Variants in SLC4A10 observed in about 807,000 individuals in gnomAD.
The protein encoded by SLC4A10 is solute carrier family 4 member 10.
A neutral mutation model predicts 137.7 loss-of-function variants in SLC4A10; 42 were observed. The observed-to-expected ratio is 0.30, with a 90% confidence interval of 0.24 to 0.39. The LOEUF (loss-of-function observed/expected upper bound fraction) is 0.39, where lower values mean the gene tolerates loss of function less well. Among genes scored for constraint, SLC4A10 ranks in the 10% least tolerant of loss-of-function variants. SLC4A10 has a pLI of 1.00. For synonymous variants in SLC4A10, 474 were observed against 464.1 expected, an observed-to-expected ratio of 1.02 and a Z score of -0.27; for missense variants, 925 against 1,355.0, an observed-to-expected ratio of 0.68 and a Z score of 4.98.
intron 1 of SLC4A10, among the ~76,000 whole-genome samples, chr2:161,626,077 C>G (rs1021516603): frequency 6.6e-6 from 1 of 151,906 alleles, no homozygotes; most frequent in Admixed American, 6.6e-5. Flanking sequence ...TTAAGAATAC[C>G]AGGGAACTCT....
chr2:161,708,752 CA>C, intron 1 of SLC4A10: 1 of 1,531,204 alleles, frequency 6.5e-7, no homozygotes, highest in East Asian at 2.5e-5. Flanking sequence ...ACAGGAAATG[CA>C]GTCTTTAGGG....
At chr2:161,909,578 C>T (rs1685331719) in intron 15 of SLC4A10, among the ~76,000 whole-genome samples, 1 of 152,188 alleles carries the variant, frequency 6.6e-6, no homozygotes, top group South Asian at 2.1e-4. Flanking sequence ...ACTAGATTTC[C>T]TCACTGCACT....
chr2:161,957,281 A>T (rs369032503), intron 20 of SLC4A10, 41 bp downstream of exon 20: 1 of 1,564,358 alleles, frequency 6.4e-7, no homozygotes, highest in Non-Finnish European at 8.7e-7. Flanking sequence ...GAAAGAATAC[A>T]TTTATCATCA....
intron 15 of SLC4A10, among the ~76,000 whole-genome samples, chr2:161,931,854 A>G (rs1401744569): frequency 1.3e-5 from 2 of 152,196 alleles, no homozygotes; most frequent in African/African-American, 2.4e-5. Flanking sequence ...GTTTGTTCCC[A>G]ACCTACCTTT....
intron 1 of SLC4A10, among the ~76,000 whole-genome samples, chr2:161,712,590 A>C (rs1425022378): frequency 6.6e-6 from 1 of 151,860 alleles, no homozygotes; most frequent in Admixed American, 6.6e-5. Flanking sequence ...TATAAATAGA[A>C]TGCTACATAT....
intron 1 of SLC4A10, among the ~76,000 whole-genome samples, chr2:161,698,563 A>G (rs1248234423): frequency 6.6e-6 from 1 of 152,198 alleles, no homozygotes; most frequent in African/African-American, 2.4e-5. Context: ...TATTGAGATA[A>G]CCATGAGGTT....
chr2:161,625,782 G>T (rs1404903270), intron 1 of SLC4A10, among the ~76,000 whole-genome samples: 1 of 151,994 alleles, frequency 6.6e-6, no homozygotes, highest in Non-Finnish European at 1.5e-5. Context: ...TCCTGCGGAC[G>T]CCAGGTTTGA....
chr2:161,938,716 A>C (rs1692074826), intron 15 of SLC4A10, among the ~76,000 whole-genome samples: 1 of 151,564 alleles, frequency 6.6e-6, no homozygotes, highest in Non-Finnish European at 1.5e-5. Context: ...AGAGAAAAAA[A>C]AAAAAGAGAG....
At chr2:161,750,729 A>G (rs1370699598) in intron 1 of SLC4A10, among the ~76,000 whole-genome samples, 1 of 151,628 alleles carries the variant, frequency 6.6e-6, no homozygotes, top group Non-Finnish European at 1.5e-5. Flanking sequence ...AGTTGTGTAT[A>G]TGTCTATTGA....
At chr2:161,754,783 T>C (rs1420450220) in intron 1 of SLC4A10, among the ~76,000 whole-genome samples, 1 of 152,228 alleles carries the variant, frequency 6.6e-6, no homozygotes, top group Non-Finnish European at 1.5e-5. Flanking sequence ...TTATATATAC[T>C]TTCATGCATA....
intron 1 of SLC4A10, among the ~76,000 whole-genome samples, chr2:161,638,326 T>G (rs189650901): frequency 6.2e-4 from 94 of 152,198 alleles, no homozygotes; most frequent in African/African-American, 1.9e-3. Context: ...ATCCATAGGG[T>G]TCTAGTTTCA....
intron 6 of SLC4A10, among the ~76,000 whole-genome samples, chr2:161,868,187 A>G (rs2060882430): frequency 6.6e-6 from 1 of 151,962 alleles, no homozygotes; most frequent in Non-Finnish European, 1.5e-5. Context: ...AAGACAAATG[A>G]GTTAATATAA....
chr2:161,758,677 A>G (rs1259231482), intron 1 of SLC4A10, among the ~76,000 whole-genome samples: 1 of 151,992 alleles, frequency 6.6e-6, no homozygotes, highest in Non-Finnish European at 1.5e-5. Flanking sequence ...GTAGATTATT[A>G]CAAACTTACA....
chr2:161,901,201 G>T, intron 12 of SLC4A10, 190 bp downstream of exon 12: 2 of 552,974 alleles, frequency 3.6e-6, no homozygotes, highest in Non-Finnish European at 3.3e-6. Flanking sequence ...CTAAAACAGT[G>T]GATACACCCT....
At chr2:161,724,746 TG>T (rs748394414) in intron 1 of SLC4A10, among the ~76,000 whole-genome samples, 2 of 152,202 alleles carry the variant, frequency 1.3e-5, no homozygotes, top group African/African-American at 2.4e-5. Context: ...CATTTATGTT[TG>T]TTTTTGTCTT....
intron 6 of SLC4A10, among the ~76,000 whole-genome samples, chr2:161,864,520 G>T (rs1280810822): frequency 6.6e-6 from 1 of 152,144 alleles, no homozygotes; most frequent in Non-Finnish European, 1.5e-5. Context: ...TGTAGAACCA[G>T]TTCTTAATGA....
intron 3 of SLC4A10, among the ~76,000 whole-genome samples, chr2:161,834,135 G>A (rs1450050799): frequency 2.2e-4 from 33 of 152,212 alleles, no homozygotes; most frequent in Admixed American, 2.2e-3. Flanking sequence ...CAGCTAAAGG[G>A]AGGCCTCAGG....
chr2:161,934,370 G>T (rs988753208), intron 15 of SLC4A10, among the ~76,000 whole-genome samples: 4 of 151,946 alleles, frequency 2.6e-5, no homozygotes, highest in African/African-American at 9.7e-5. Flanking sequence ...TCTACATGAG[G>T]TCGATTATTT....
At chr2:161,938,706 A>G (rs935084444) in intron 15 of SLC4A10, among the ~76,000 whole-genome samples, 1 of 151,292 alleles carries the variant, frequency 6.6e-6, no homozygotes, top group African/African-American at 2.4e-5. Context: ...AGCTTATAGA[A>G]GAGAAAAAAA....
Sources: allele counts gnomAD v4.1 joint callset (sites outside exome capture counted in the v4.1 genomes callset), GRCh38; gene constraint gnomAD v4.1.1; transcripts MANE v1.5; gene names NCBI Gene and HGNC (gene_info 2026-07-23, HGNC 2026-07-21).